NLGN1: variants seen among roughly 807,000 people sequenced by gnomAD.
The protein encoded by NLGN1 is neuroligin-1.
NLGN1 carries 12 observed loss-of-function variants against 65.5 expected under a neutral mutation model. The observed-to-expected ratio is 0.18, with a 90% CI of 0.12 to 0.30. The LOEUF (loss-of-function observed/expected upper bound fraction) is 0.30. NLGN1 is among the 10% of genes least tolerant of loss of function. The pLI, the probability that NLGN1 is intolerant of heterozygous loss-of-function variation, is 1.00. For missense variants in NLGN1, 750 were observed against 1,007.1 expected, an observed-to-expected ratio of 0.74 and a Z score of 3.46; for synonymous variants, 350 against 359.5, an observed-to-expected ratio of 0.97 and a Z score of 0.30.
At chr3:173,895,821 G>A (rs1579049870) in intron 4 of NLGN1, among the ~76,000 whole-genome samples, 1 of 151,950 alleles carries the variant, frequency 6.6e-6, no homozygotes, top group Admixed American at 6.6e-5. Context: ...CTCCCAAGTA[G>A]CTGTGATTGT....
At chr3:173,458,890 G>T (rs2148879656) in intron 2 of NLGN1, among the ~76,000 whole-genome samples, 1 of 152,024 alleles carries the variant, frequency 6.6e-6, no homozygotes, top group Middle Eastern at 3.2e-3. Context: ...CTTAGGAGAT[G>T]TTTATTTTTC....
chr3:173,899,652 G>A (rs1321923694), intron 4 of NLGN1, among the ~76,000 whole-genome samples: 1 of 152,038 alleles, frequency 6.6e-6, no homozygotes, highest in Admixed American at 6.6e-5. Context: ...CATTAATAAA[G>A]TTTTATTGGA....
intron 4 of NLGN1, among the ~76,000 whole-genome samples, chr3:173,827,895 G>A (rs769856194): frequency 7.9e-5 from 12 of 151,980 alleles, no homozygotes; most frequent in Non-Finnish European, 1.6e-4. Context: ...AACTCTCAAA[G>A]GACTGGATGA....
exon 1 of NLGN1, chr3:173,398,455 C>A (rs934882473): frequency 6.6e-6 from 1 of 152,194 alleles, no homozygotes; most frequent in African/African-American, 2.4e-5. Context: ...AACCGTTCTC[C>A]ACCGACTCCT....
chr3:173,627,632 G>A (rs1755026430), intron 3 of NLGN1, among the ~76,000 whole-genome samples: 1 of 151,970 alleles, frequency 6.6e-6, no homozygotes, highest in Admixed American at 6.6e-5. Flanking sequence ...TTTAAGTTGA[G>A]CATATTATAT....
chr3:173,634,497 A>G (rs886232844), intron 3 of NLGN1, among the ~76,000 whole-genome samples: 3 of 152,116 alleles, frequency 2.0e-5, no homozygotes, highest in African/African-American at 7.2e-5. Context: ...AATACATACC[A>G]TTAAACAATT....
At chr3:174,086,707 T>TA (rs1267986195) in intron 4 of NLGN1, among the ~76,000 whole-genome samples, 1 of 152,020 alleles carries the variant, frequency 6.6e-6, no homozygotes, top group Non-Finnish European at 1.5e-5. Context: ...CCCAAAACTT[T>TA]AAAAAATATT....
At chr3:174,119,076 T>A (rs1197217216) in intron 4 of NLGN1, among the ~76,000 whole-genome samples, 1 of 152,164 alleles carries the variant, frequency 6.6e-6, no homozygotes, top group African/African-American at 2.4e-5. Context: ...TATGGTTAAA[T>A]TAAAATAAAA....
chr3:173,987,322 C>T (rs780012983), intron 4 of NLGN1, among the ~76,000 whole-genome samples: 3 of 152,134 alleles, frequency 2.0e-5, no homozygotes, highest in Non-Finnish European at 4.4e-5. Context: ...TTCAAATTCA[C>T]TTTGGCTCTG....
intron 4 of NLGN1, among the ~76,000 whole-genome samples, chr3:173,877,884 C>G (rs929428581): frequency 6.6e-6 from 1 of 152,066 alleles, no homozygotes; most frequent in South Asian, 2.1e-4. Context: ...AAAACTGAGG[C>G]AAACAGAGAG....
intron 4 of NLGN1, among the ~76,000 whole-genome samples, chr3:173,832,367 C>G (rs1722766251): frequency 6.6e-6 from 1 of 152,176 alleles, no homozygotes; most frequent in Non-Finnish European, 1.5e-5. Context: ...CACTGGAAAA[C>G]TTTCCTTATA....
intron 3 of NLGN1, among the ~76,000 whole-genome samples, chr3:173,659,761 GTA>G (rs147634699): frequency 0.021 from 3,246 of 152,020 alleles, 124 homozygotes; most frequent in African/African-American, 0.075. Flanking sequence ...GTGTGCGTGT[GTA>G]TGTGTGTGTG....
intron 4 of NLGN1, among the ~76,000 whole-genome samples, chr3:173,875,776 C>G (rs1385901526): frequency 6.6e-6 from 1 of 152,162 alleles, no homozygotes; most frequent in African/African-American, 2.4e-5. Context: ...GCTTCTTCCT[C>G]TCTGAAGTTC....
rs558388114 is a variant in NLGN1 at position 173,449,748 on chromosome 3, G to C, written c.-321+14670G>C. Among the ~76,000 whole-genome samples, 7 of 152,304 alleles carry C rather than the reference G, an allele frequency of 4.6e-5. No homozygotes were observed. In the East Asian group the frequency reaches 1.3e-3, roughly 29 times the overall value. ...TTGCTTTATGAATCTGGGTGCTGCT[G>C]TATTGGGTGCGTATATATTTAGGAG... On this transcript the variant is annotated intron_variant, in intron 2 of 6. Coordinates refer to ENST00000457714, the Ensembl canonical transcript of NLGN1.
chr3:173,454,334 A>T (rs1045157574), intron 2 of NLGN1, among the ~76,000 whole-genome samples: 2 of 152,194 alleles, frequency 1.3e-5, no homozygotes, highest in Non-Finnish European at 2.9e-5. Flanking sequence ...CTCCGGTTGC[A>T]TTAGCCCTTA....
At chr3:173,450,627 A>T (rs1393653110) in intron 2 of NLGN1, among the ~76,000 whole-genome samples, 1 of 152,174 alleles carries the variant, frequency 6.6e-6, no homozygotes, top group Non-Finnish European at 1.5e-5. Flanking sequence ...ATATTGGGGA[A>T]GTTCTCCTGG....
At chr3:174,269,750 T>C (rs1037713800) in intron 4 of NLGN1, among the ~76,000 whole-genome samples, 2 of 151,972 alleles carry the variant, frequency 1.3e-5, no homozygotes, top group African/African-American at 2.4e-5. Context: ...GTTTAATTTT[T>C]TGAGGAATCT....
intron 4 of NLGN1, among the ~76,000 whole-genome samples, chr3:173,918,868 T>G (rs1373566313): frequency 1.3e-5 from 2 of 152,076 alleles, no homozygotes; most frequent in African/African-American, 4.8e-5. Flanking sequence ...GTCTACAGGA[T>G]TGCATTACAT....
chr3:174,038,281 A>G (rs1030429252), intron 4 of NLGN1, among the ~76,000 whole-genome samples: 1 of 152,186 alleles, frequency 6.6e-6, no homozygotes, highest in Non-Finnish European at 1.5e-5. Flanking sequence ...TTTAACGCCA[A>G]GGCTAGTCGC....
Sources: allele counts gnomAD v4.1 joint callset (sites outside exome capture counted in the v4.1 genomes callset), GRCh38; gene constraint gnomAD v4.1.1; transcripts MANE v1.5; gene names NCBI Gene and HGNC (gene_info 2026-07-23, HGNC 2026-07-21).